The following CAPRIN1 variants were observed in gnomAD, a reference collection of about 807,000 sequenced individuals.
CAPRIN1 encodes the protein caprin-1.
Under a neutral mutation model 100.9 loss-of-function variants are expected in CAPRIN1, and 29 were observed. That is an observed-to-expected ratio of 0.29 (90% CI 0.21 to 0.39). The LOEUF (loss-of-function observed/expected upper bound fraction) is 0.39. Ranked by LOEUF, CAPRIN1 falls within the 10% of genes least tolerant of loss-of-function variation. The pLI, the probability that CAPRIN1 is intolerant of heterozygous loss-of-function variation, is 1.00. For synonymous variants in CAPRIN1, 338 were observed against 307.5 expected (o/e 1.10, Z -1.04); for missense variants, 795 against 876.7 (o/e 0.91, Z 1.18).
intron 9 of CAPRIN1, among the ~76,000 whole-genome samples, chr11:34,084,732 G>C (rs966760653): frequency 2.0e-5 from 3 of 152,138 alleles, no homozygotes; most frequent in Non-Finnish European, 4.4e-5. Context: ...TATGTTTTTA[G>C]GGGAGCCAGG....
chr11:34,087,791 T>G (rs539140279), intron 11 of CAPRIN1, among the ~76,000 whole-genome samples: 1 of 152,346 alleles, frequency 6.6e-6, no homozygotes, highest in East Asian at 1.9e-4. Flanking sequence ...TACATAGCAC[T>G]GATAAAACCT....
chr11:34,089,226 A>C (rs1211655531), intron 11 of CAPRIN1, among the ~76,000 whole-genome samples, 169 bp from the exon 12 acceptor site: 1 of 115,756 alleles, frequency 8.6e-6, no homozygotes, highest in Non-Finnish European at 1.7e-5. Flanking sequence ...CTAAGATCAC[A>C]TCACTGTACT....
At chr11:34,074,740 G>A (rs950356381) in intron 4 of CAPRIN1, among the ~76,000 whole-genome samples, 1 of 152,086 alleles carries the variant, frequency 6.6e-6, no homozygotes, top group Non-Finnish European at 1.5e-5. Context: ...AAAATTAGCC[G>A]GGCTTGGCAG....
chr11:34,086,446 A>G lies in CAPRIN1; in HGVS notation c.1231+33A>G, dbSNP rs371775429. The G allele has an allele frequency of 3.0e-5, 37 of 1,223,312 alleles. No individual in the cohort carries two copies. The African/African-American group carries it at 5.3e-4, about 18-fold the overall frequency. The allele number at this position is 1,223,312 out of a possible 1,614,324, so 75.8% of individuals were successfully genotyped here. A position where few individuals can be genotyped will look rare whatever the true frequency, so the allele number is the denominator to read the frequency against. The stretch of plus-strand genomic sequence containing the variant: ...GTGGTACATTTTTATGTGAGAGAGA[A>G]ATATAAGGCCAGTACTTTCAGGTTT... On this transcript the variant is annotated intron_variant, in intron 11 of 18. Transcript: ENST00000341394.
intron 2 of CAPRIN1, among the ~76,000 whole-genome samples, chr11:34,055,304 C>G (rs1203719879): frequency 6.6e-6 from 1 of 151,816 alleles, no homozygotes; most frequent in Admixed American, 6.6e-5. Flanking sequence ...GCTGTGATTA[C>G]AAGTGTGCGC....
At chr11:34,065,437 T>C (rs930965504) in intron 2 of CAPRIN1, among the ~76,000 whole-genome samples, 3 of 152,242 alleles carry the variant, frequency 2.0e-5, no homozygotes, top group Non-Finnish European at 4.4e-5. Context: ...AACTACAAAT[T>C]GCTGGGTTCC....
At chr11:34,091,858 A>G in intron 14 of CAPRIN1, 48 bp from the exon 15 acceptor site, 1 of 1,548,204 alleles carries the variant, frequency 6.5e-7, no homozygotes. Context: ...CATGTTATAA[A>G]CCAGAGAATA....
rs1174041491 is a variant in CAPRIN1 at position 34,102,533 on chromosome 11, C to T, written c.*3166C>T. 6.6e-6 allele frequency among the ~76,000 whole-genome samples: 1 copy of T among 152,132 alleles called. No homozygotes were observed. The highest frequency in any genetic ancestry group is 2.1e-4 in the South Asian group (1 of 4,834). ...TTAAGGCTCATCTTCATACCTTTTT[C>T]CATTTTGAATCCTACAAAAATACTG... On this transcript the variant is annotated 3_prime_UTR_variant, in exon 19 of 19. Transcript: ENST00000341394.
intron 14 of CAPRIN1, 74 bp downstream of exon 14, chr11:34,090,752 G>C: frequency 7.3e-7 from 1 of 1,369,182 alleles, no homozygotes; most frequent in Non-Finnish European, 1.0e-6. Context: ...CTTTTTTAAA[G>C]GTCTTCATTT....
intron 15 of CAPRIN1, 61 bp from the exon 16 acceptor site, chr11:34,096,418 G>A (rs889100697): frequency 1.8e-5 from 22 of 1,253,936 alleles, no homozygotes; most frequent in African/African-American, 6.0e-5. Flanking sequence ...TAGAAAGTGC[G>A]TGGGAGAACA....
At chr11:34,098,450 C>G in intron 18 of CAPRIN1, 1 of 985,164 alleles carries the variant, frequency 1.0e-6, no homozygotes, top group Non-Finnish European at 1.2e-6. Flanking sequence ...ACAATTAGAG[C>G]TAGCATTTCA....
chr11:34,082,824 G>C lies in CAPRIN1; in HGVS notation c.827-1G>C. On this transcript the variant is annotated splice_acceptor_variant, in intron 7 of 18. Transcript: ENST00000341394. LOFTEE classifies it high-confidence loss of function. ...TTTTGCACCATTTTTTAACCTCTTA[G>C]AACCTGAGCCAGCAGAAGAGTACAC... 6.2e-7 allele frequency: 1 copy of C among 1,612,978 alleles called. No individual in the cohort carries two copies.
intron 7 of CAPRIN1, among the ~76,000 whole-genome samples, chr11:34,081,744 C>T (rs1208273787): frequency 6.6e-6 from 1 of 151,820 alleles, no homozygotes; most frequent in African/African-American, 2.4e-5. Context: ...GTGATCTGCC[C>T]ACATTGGCCT....
intron 2 of CAPRIN1, among the ~76,000 whole-genome samples, chr11:34,058,994 G>T (rs747477890): frequency 1.2e-4 from 18 of 152,202 alleles, no homozygotes; most frequent in Non-Finnish European, 2.1e-4. Flanking sequence ...ATAGAAGAGT[G>T]AGAGGAGTAG....
intron 2 of CAPRIN1, among the ~76,000 whole-genome samples, chr11:34,061,688 G>A (rs1850581754): frequency 6.6e-6 from 1 of 151,820 alleles, no homozygotes; most frequent in Non-Finnish European, 1.5e-5. Context: ...TATCCTTACC[G>A]GCCGGGCACA....
chr11:34,056,842 C>T (rs189556173), intron 2 of CAPRIN1, among the ~76,000 whole-genome samples: 44 of 152,292 alleles, frequency 2.9e-4, no homozygotes, highest in Admixed American at 2.0e-3. Flanking sequence ...TGATCACTTG[C>T]GTAAAATGCA....
chr11:34,091,278 G>A (rs554926687), intron 14 of CAPRIN1, among the ~76,000 whole-genome samples: 3 of 152,166 alleles, frequency 2.0e-5, no homozygotes, highest in Non-Finnish European at 4.4e-5. Flanking sequence ...ACTGCATCCA[G>A]GAGTTTGTCT....
intron 2 of CAPRIN1, chr11:34,056,514 A>G (rs1014250254): frequency 2.6e-5 from 4 of 152,164 alleles, no homozygotes; most frequent in African/African-American, 9.6e-5. Context: ...AATGTTTAGC[A>G]AAGAGAAGAA....
chr11:34,052,856 G>A, intron 2 of CAPRIN1: 1 of 1,429,972 alleles, frequency 7.0e-7, no homozygotes, highest in Non-Finnish European at 9.1e-7. Flanking sequence ...ACTCGGACGC[G>A]GCACTGTACC....
Sources: allele counts gnomAD v4.1 joint callset (sites outside exome capture counted in the v4.1 genomes callset), GRCh38; gene constraint gnomAD v4.1.1; transcripts MANE v1.5; gene names NCBI Gene and HGNC (gene_info 2026-07-23, HGNC 2026-07-21).